The following MYO16 variants were observed in gnomAD, a reference collection of about 807,000 sequenced individuals.
The protein encoded by MYO16 is myosin XVI, also known as unconventional myosin-XVI.
MYO16 carries 94 observed loss-of-function variants against 205.3 expected under a neutral mutation model. The observed-to-expected ratio is 0.46, with a 90% CI of 0.39 to 0.54. MYO16 has a LOEUF of 0.54. Ranked by LOEUF, MYO16 falls within the 20% of genes least tolerant of loss-of-function variation. MYO16 has a pLI of 0.00. For synonymous variants in MYO16, 988 were observed against 954.0 expected, an observed-to-expected ratio of 1.04 and a Z score of -0.66; for missense variants, 2,315 against 2,387.5, an observed-to-expected ratio of 0.97 and a Z score of 0.63.
chr13:109,019,579 G>A, intron 22 of MYO16, 132 bp from the exon 23 acceptor site: 1 of 680,930 alleles, frequency 1.5e-6, no homozygotes, highest in South Asian at 1.9e-5. Flanking sequence ...AATATATTAA[G>A]GTAAAGACTG....
At chr13:108,752,175 AT>A (rs1181619247) in intron 4 of MYO16, among the ~76,000 whole-genome samples, 1 of 152,102 alleles carries the variant, frequency 6.6e-6, no homozygotes, top group Non-Finnish European at 1.5e-5. Flanking sequence ...TTTAAAATGT[AT>A]TTTTAAATGT....
At chr13:108,891,445 A>G (rs1161744977) in intron 14 of MYO16, among the ~76,000 whole-genome samples, 2 of 152,350 alleles carry the variant, frequency 1.3e-5, no homozygotes, top group African/African-American at 2.4e-5. Context: ...ATCGTGTTCA[A>G]TTCCACATAT....
intron 34 of MYO16, among the ~76,000 whole-genome samples, chr13:109,197,618 G>C (rs2139961059): frequency 6.6e-6 from 1 of 152,240 alleles, no homozygotes; most frequent in South Asian, 2.1e-4. Context: ...ACATGCAATA[G>C]ATCAACATTA....
At chr13:109,011,469 T>C (rs1311493399) in intron 22 of MYO16, among the ~76,000 whole-genome samples, 1 of 149,474 alleles carries the variant, frequency 6.7e-6, no homozygotes, top group Non-Finnish European at 1.5e-5. Context: ...ATTTTATTTT[T>C]CTTTTTGCTT....
chr13:109,093,058 A>G (rs1385923433), intron 27 of MYO16, among the ~76,000 whole-genome samples: 1 of 152,208 alleles, frequency 6.6e-6, no homozygotes, highest in South Asian at 2.1e-4. Flanking sequence ...ACGTGAATGT[A>G]TGGAAGCGTG....
At chr13:108,714,604 G>GTGTGTC in intron 3 of MYO16, among the ~76,000 whole-genome samples, 3 of 135,858 alleles carry the variant, frequency 2.2e-5, no homozygotes, top group African/African-American at 5.2e-5. Context: ...GTGTGTGTGT[G>GTGTGTC]TGTGTGTGTA....
intron 16 of MYO16, among the ~76,000 whole-genome samples, chr13:108,943,316 G>A (rs1038807666): frequency 6.6e-6 from 1 of 152,162 alleles, no homozygotes; most frequent in African/African-American, 2.4e-5. Flanking sequence ...TTGCTGAAAT[G>A]CAAAATGAGT....
At chr13:108,649,266 A>T (rs1044703879) in intron 1 of MYO16, among the ~76,000 whole-genome samples, 21 of 152,174 alleles carry the variant, frequency 1.4e-4, no homozygotes, top group African/African-American at 5.1e-4. Flanking sequence ...TAAAGGAAAG[A>T]TCCTGAATTG....
intron 2 of MYO16, among the ~76,000 whole-genome samples, chr13:108,707,812 AGT>A (rs962488698): frequency 6.6e-5 from 10 of 152,182 alleles, no homozygotes; most frequent in African/African-American, 2.2e-4. Flanking sequence ...AATCTCCTGC[AGT>A]GTGTGTGCAT....
chr13:108,627,513 G>A (rs1161681607), upstream of MYO16, among the ~76,000 whole-genome samples: 1 of 152,076 alleles, frequency 6.6e-6, no homozygotes, highest in Non-Finnish European at 1.5e-5. Context: ...GCACTTTGAG[G>A]TCAGGGAGTC....
intron 34 of MYO16, among the ~76,000 whole-genome samples, chr13:109,186,619 C>A (rs1273612923): frequency 6.6e-6 from 1 of 152,130 alleles, no homozygotes; most frequent in Non-Finnish European, 1.5e-5. Context: ...AACACACACA[C>A]ACACACACAC....
chr13:108,508,372 C>T, the MYO16 span, among the ~76,000 whole-genome samples: 1 of 152,088 alleles, frequency 6.6e-6, no homozygotes. Context: ...TTTGGGGATG[C>T]ACTTTCTCTG....
intron 6 of MYO16, among the ~76,000 whole-genome samples, chr13:108,804,466 T>C (rs1476586284): frequency 6.6e-6 from 1 of 152,130 alleles, no homozygotes; most frequent in Non-Finnish European, 1.5e-5. Context: ...TCAGGACAAG[T>C]AGTAGGAGTA....
chr13:108,974,975 T>A (rs538067657), intron 20 of MYO16, among the ~76,000 whole-genome samples: 2 of 152,300 alleles, frequency 1.3e-5, no homozygotes, highest in South Asian at 4.1e-4. Flanking sequence ...TACAGATCAC[T>A]TATGAAGACT....
chr13:109,168,288 T>C (rs187688338), intron 33 of MYO16, among the ~76,000 whole-genome samples: 1 of 152,264 alleles, frequency 6.6e-6, no homozygotes, highest in East Asian at 1.9e-4. Context: ...ATTAGCAGAA[T>C]ATTTTAAAAA....
chr13:109,059,708 T>C (rs113238447), intron 27 of MYO16, among the ~76,000 whole-genome samples: 22,421 of 152,142 alleles, frequency 0.15, 1,786 homozygotes, highest in South Asian at 0.19. Flanking sequence ...ACTCTGTAGG[T>C]TGCTTGTTCA....
chr13:108,509,683 A>G, the MYO16 span, among the ~76,000 whole-genome samples: 1 of 152,202 alleles, frequency 6.6e-6, no homozygotes. Context: ...GCATTAGAAG[A>G]TATACCTAAT....
intron 34 of MYO16, among the ~76,000 whole-genome samples, chr13:109,206,307 G>A (rs906847003): frequency 5.3e-5 from 8 of 152,320 alleles, no homozygotes; most frequent in Admixed American, 5.2e-4. Context: ...AATGTACACA[G>A]TAATCGAGGG....
rs576892411 is a variant in MYO16, at chr13:108,703,682, G to T, written c.293-8979G>T. On this transcript the variant is annotated intron_variant, in intron 2 of 34. Coordinates refer to ENST00000457511, the MANE Select transcript of MYO16 (RefSeq NM_001198950.3). ...AAACAAGTGCCAATAAATTTTAAAA[G>T]AATTAAAATATTACAAAGTATGTTC... 5.3e-5 allele frequency among the ~76,000 whole-genome samples: 8 copies of T among 152,090 alleles called. No individual in the cohort carries two copies. In the East Asian group the frequency reaches 1.3e-3, roughly 26 times the overall value.
Sources: gnomAD v4.1 joint callset for allele counts (sites outside exome capture counted in the v4.1 genomes callset) on GRCh38, gnomAD v4.1.1 for gene constraint, MANE v1.5 for transcripts, NCBI Gene and HGNC (gene_info 2026-07-23, HGNC 2026-07-21) for gene names.